Variants in MED26 observed in about 807,000 individuals in gnomAD.
MED26 encodes the protein mediator complex subunit 26.
A neutral mutation model predicts 43.7 loss-of-function variants in MED26; 7 were observed. The observed-to-expected ratio is 0.16, with a 90% CI of 0.09 to 0.30. The LOEUF (loss-of-function observed/expected upper bound fraction) is 0.30, where lower values mean the gene tolerates loss of function less well. MED26 is among the 10% of genes least tolerant of loss of function. The probability of loss-of-function intolerance (pLI) is 1.00; values close to 1 mark genes in which losing one functional copy is unlikely to be tolerated. For synonymous variants in MED26, 375 were observed against 371.1 expected, an observed-to-expected ratio of 1.01 and a Z score of -0.12; for missense variants, 784 against 840.6, an observed-to-expected ratio of 0.93 and a Z score of 0.83.
chr19:16,598,556 T>G lies in MED26; in HGVS notation c.73-20147A>C, dbSNP rs559577137. ...GTGGCATGAACTGCCCCACTTGGCATCCAGTACTGTTCCCTCCCAGCAACA... is the reference window on the plus strand; with the variant it reads ...GTGGCATGAACTGCCCCACTTGGCAGCCAGTACTGTTCCCTCCCAGCAACA... On this transcript the variant is annotated intron_variant, in intron 1 of 2. Transcript: ENST00000263390. Among the ~76,000 whole-genome samples, 25 of 152,174 alleles carry G rather than the reference T, an allele frequency of 1.6e-4. 1 individual carries two copies. The highest frequency in any genetic ancestry group is 5.8e-4 in the African/African-American group (24 of 41,514).
rs2085983915 is a variant in MED26, at chr19:16,574,945, C to T, written c.*1082G>A. ...GGTTTTTTTTTTTTTTTTATTTCCA[C>T]ATTTATATCACAAGGTGTCCACTTA... On this transcript the variant is annotated 3_prime_UTR_variant, in exon 3 of 3. Transcript: ENST00000263390. The T allele has an allele frequency of 6.7e-6, 1 of 150,340 alleles. No individual in the cohort carries two copies. The highest frequency in any genetic ancestry group is 1.5e-5 in the Non-Finnish European group (1 of 67,544). 9.3% of individuals were successfully genotyped at this position (150,340 alleles called of 1,614,324 possible). A position where few individuals can be genotyped will look rare whatever the true frequency, so the allele number is the denominator to read the frequency against.
chr19:16,600,154 C>A (rs1006051852), intron 1 of MED26, among the ~76,000 whole-genome samples: 1 of 151,992 alleles, frequency 6.6e-6, no homozygotes, highest in Non-Finnish European at 1.5e-5. Context: ...CTCCCTAGGT[C>A]CCCCCTCATC....
At chr19:16,593,620 CAG>C (rs2086107818) in intron 1 of MED26, among the ~76,000 whole-genome samples, 1 of 152,192 alleles carries the variant, frequency 6.6e-6, no homozygotes, top group Non-Finnish European at 1.5e-5. Context: ...ACAAACATCT[CAG>C]GGGTCTCCCT....
At chr19:16,584,346 G>A (rs2086061228) in intron 1 of MED26, among the ~76,000 whole-genome samples, 1 of 147,628 alleles carries the variant, frequency 6.8e-6, no homozygotes, top group Non-Finnish European at 1.5e-5. Context: ...AAAAAAGAAA[G>A]GCTTCCGGAA....
chr19:16,614,307 C>T (rs906702265), intron 1 of MED26, among the ~76,000 whole-genome samples: 3 of 152,108 alleles, frequency 2.0e-5, no homozygotes, highest in African/African-American at 7.2e-5. Flanking sequence ...GCAGGCAGAT[C>T]GCTTGAGCTC....
At chr19:16,618,924 G>A (rs924003251) in intron 1 of MED26, among the ~76,000 whole-genome samples, 1 of 152,230 alleles carries the variant, frequency 6.6e-6, no homozygotes, top group African/African-American at 2.4e-5. Context: ...GGATGGAGAG[G>A]AAGACACCCT....
chr19:16,575,784 C>T lies in MED26; in HGVS notation c.*243G>A. The T allele has an allele frequency of 3.7e-6, 2 of 540,210 alleles. No homozygotes were observed. Among genetic ancestry groups the T allele is most frequent in the Non-Finnish European group, 6.7e-6 (2 of 299,936 alleles). The allele number at this position is 540,210 out of a possible 1,614,324, so 33.5% of individuals were successfully genotyped here. On this transcript the variant is annotated 3_prime_UTR_variant, in exon 3 of 3. Coordinates refer to ENST00000263390, the MANE Select transcript of MED26 (RefSeq NM_004831.5). ...TAGAGTTCTGAACTCACTTTGCCGT[C>T]CTTCCTTCCACGCGGTCCTTCTTCG...
chr19:16,609,041 G>A (rs189082499), intron 1 of MED26, among the ~76,000 whole-genome samples: 5 of 152,268 alleles, frequency 3.3e-5, no homozygotes, highest in African/African-American at 9.6e-5. Context: ...CCAGGCTGGT[G>A]CAGCGGCTCA....
chr19:16,582,347 C>T (rs1380268955), intron 1 of MED26, among the ~76,000 whole-genome samples: 1 of 152,122 alleles, frequency 6.6e-6, no homozygotes, highest in Non-Finnish European at 1.5e-5. Flanking sequence ...AGCAATGCAG[C>T]GAGGAATCCC....
At chr19:16,624,840 G>T (rs2086267050) in intron 1 of MED26, among the ~76,000 whole-genome samples, 1 of 152,196 alleles carries the variant, frequency 6.6e-6, no homozygotes, top group Non-Finnish European at 1.5e-5. Context: ...AGTTTAAGCA[G>T]CAGGTAGAAA....
At chr19:16,599,270 C>T (rs1175042577) in intron 1 of MED26, among the ~76,000 whole-genome samples, 4 of 152,148 alleles carry the variant, frequency 2.6e-5, no homozygotes, top group Non-Finnish European at 4.4e-5. Context: ...CAAAATAAAA[C>T]ATGCTCACCT....
At position 16,576,268 on chromosome 19, in the gene MED26, G is replaced by C; in HGVS notation, c.1562C>G (p.Thr521Ser). 1 of 1,611,396 alleles carries C rather than the reference G, an allele frequency of 6.2e-7. No homozygotes were observed. The highest frequency in any genetic ancestry group is 8.5e-7 in the Non-Finnish European group (1 of 1,180,006). ...ATGCAGCTGCCTGGCCCCTTGCCGGGTGCTCTCCTCCTGCTTCAGGTACTC... is the reference window on the plus strand; with the variant it reads ...ATGCAGCTGCCTGGCCCCTTGCCGGCTGCTCTCCTCCTGCTTCAGGTACTC... ...MSEYLKQEES[T>S]RQGARQLHVL... The change falls in exon 3 of 3, where the codon ACC becomes AGC. Residue 521 changes from threonine (T) to serine (S), a missense_variant. By Grantham distance (58) the Thr-to-Ser change is moderately conservative (BLOSUM62 1). Coordinates refer to ENST00000263390, the MANE Select transcript of MED26 (RefSeq NM_004831.5). This position sits in a 1 kb window ranked among gnomAD's most constrained non-coding sequence, Gnocchi z 6.8.
intron 1 of MED26, chr19:16,624,535 C>G (rs1469323767): frequency 6.6e-6 from 1 of 152,232 alleles, no homozygotes; most frequent in Admixed American, 6.5e-5. Flanking sequence ...GCTAGCAAGC[C>G]CTGCCCTGTG....
intron 1 of MED26, among the ~76,000 whole-genome samples, chr19:16,622,001 C>G (rs1056459657): frequency 2.0e-5 from 3 of 152,168 alleles, no homozygotes; most frequent in Admixed American, 6.5e-5. Context: ...CATCCCACAG[C>G]AGAGAGGGAA....
At chr19:16,621,989 C>G (rs1295196728) in intron 1 of MED26, among the ~76,000 whole-genome samples, 3 of 152,134 alleles carry the variant, frequency 2.0e-5, no homozygotes, top group Non-Finnish European at 4.4e-5. Flanking sequence ...CTGCCTGTGC[C>G]CCATCCCACA....
chr19:16,591,255 G>A (rs1758954236), intron 1 of MED26, among the ~76,000 whole-genome samples: 1 of 151,986 alleles, frequency 6.6e-6, no homozygotes, highest in Non-Finnish European at 1.5e-5. Context: ...GCCCTTTGGG[G>A]AGGCTCCTTC....
chr19:16,597,368 C>A, intron 1 of MED26: 1 of 398,640 alleles, frequency 2.5e-6, no homozygotes, highest in East Asian at 3.6e-5. Flanking sequence ...GACACATTCT[C>A]CGACATTCCC....
intron 1 of MED26, among the ~76,000 whole-genome samples, chr19:16,592,340 C>T (rs996714895): frequency 2.6e-5 from 4 of 152,210 alleles, no homozygotes; most frequent in South Asian, 2.1e-4. Context: ...GCTGTGGGGC[C>T]CTGTCCCGTC....
chr19:16,599,040 G>A (rs1007494532), intron 1 of MED26, among the ~76,000 whole-genome samples: 5 of 152,224 alleles, frequency 3.3e-5, no homozygotes, highest in Admixed American at 6.5e-5. Context: ...CCACTGGACA[G>A]CTCCTGGAGG....
Sources: gnomAD v4.1 joint callset for allele counts (sites outside exome capture counted in the v4.1 genomes callset) on GRCh38, gnomAD v4.1.1 for gene constraint, Gnocchi (gnomAD v3.1) non-coding constraint, MANE v1.5 for transcripts, NCBI Gene and HGNC (gene_info 2026-07-23, HGNC 2026-07-21) for gene names.